Variants in CELF2 observed in about 807,000 individuals in gnomAD.
CELF2 encodes the protein CUGBP Elav-like family member 2.
In CELF2, 8 loss-of-function variants were observed where a neutral mutation model predicts 62.6. The observed-to-expected ratio is 0.13, with a 90% CI of 0.07 to 0.23. The LOEUF is 0.23. Among genes scored for constraint, CELF2 ranks in the 10% least tolerant of loss-of-function variants. The pLI is 1.00. For synonymous variants in CELF2, 258 were observed against 250.0 expected (o/e 1.03, Z -0.30); for missense variants, 333 against 671.0 (o/e 0.50, Z 5.56).
the CELF2 span, among the ~76,000 whole-genome samples, chr10:10,636,310 C>T: frequency 6.6e-6 from 1 of 152,290 alleles, no homozygotes; most frequent in South Asian, 2.1e-4. Context: ...TCTCTTCTGA[C>T]TGAGCCATAA....
intron 1 of CELF2, among the ~76,000 whole-genome samples, chr10:11,132,398 G>A (rs2059755447): frequency 6.6e-6 from 1 of 152,176 alleles, no homozygotes; most frequent in African/African-American, 2.4e-5. Flanking sequence ...AATATCAAGG[G>A]AAGGAAATAC....
At chr10:10,653,225 G>C in the CELF2 span, among the ~76,000 whole-genome samples, 1 of 152,080 alleles carries the variant, frequency 6.6e-6, no homozygotes, top group Non-Finnish European at 1.5e-5. Context: ...AGCAAGTCCT[G>C]AGTGACCTAC....
chr10:10,651,596 C>T, the CELF2 span, among the ~76,000 whole-genome samples: 1 of 143,264 alleles, frequency 7.0e-6, no homozygotes. Context: ...GGGAGGCACC[C>T]CCCAGCAGGG....
intron 2 of CELF2, among the ~76,000 whole-genome samples, chr10:11,212,743 T>G (rs1255991902): frequency 1.3e-5 from 2 of 149,162 alleles, no homozygotes; most frequent in Non-Finnish European, 3.0e-5. Context: ...TTGGGTTTTT[T>G]TTTTTTTTTT....
chr10:10,775,106 A>G, the CELF2 span, among the ~76,000 whole-genome samples: 1 of 152,034 alleles, frequency 6.6e-6, no homozygotes, highest in Non-Finnish European at 1.5e-5. Flanking sequence ...TGGCCTCCTG[A>G]TCTCAGGTGA....
chr10:10,826,723 T>G (rs985204153), intron 1 of CELF2, among the ~76,000 whole-genome samples: 1 of 152,200 alleles, frequency 6.6e-6, no homozygotes, highest in Non-Finnish European at 1.5e-5. Flanking sequence ...GAAATACCCA[T>G]GAGAGCACCT....
chr10:11,233,561 T>C (rs1260248747), intron 3 of CELF2, among the ~76,000 whole-genome samples: 2 of 152,212 alleles, frequency 1.3e-5, no homozygotes, highest in South Asian at 2.1e-4. Context: ...TCCATTCAAA[T>C]GGTCTACAGG....
chr10:11,119,458 A>T (rs1488716551), intron 1 of CELF2, among the ~76,000 whole-genome samples: 2 of 152,184 alleles, frequency 1.3e-5, no homozygotes, highest in Non-Finnish European at 2.9e-5. Flanking sequence ...CAGAAAAATA[A>T]TGTCTTATAG....
chr10:10,781,083 A>G, the CELF2 span, among the ~76,000 whole-genome samples: 1 of 152,234 alleles, frequency 6.6e-6, no homozygotes, highest in Non-Finnish European at 1.5e-5. Context: ...ACTTACCAAA[A>G]AAAAGGTAGT....
Position 11,324,513 on chromosome 10 carries a change from A to G in CELF2, c.1295-1323A>G, listed in dbSNP as rs1202650289. 6.6e-6 allele frequency among the ~76,000 whole-genome samples: 1 copy of G among 152,218 alleles called. No homozygotes were observed. The highest frequency in any genetic ancestry group is 1.5e-5 in the Non-Finnish European group (1 of 68,026). On this transcript the variant is annotated intron_variant, in intron 11 of 12. Coordinates refer to ENST00000633077, the MANE Select transcript of CELF2 (RefSeq NM_001326342.2). The surrounding 1 kb of genome is among the most constrained non-coding windows in gnomAD (Gnocchi z 4.7). ...TAGACTCCTTCCCATGCCCTAGAAT[A>G]CGGATATATCCCAGGAAATTGGCAG...
At chr10:10,540,981 G>C in the CELF2 span, among the ~76,000 whole-genome samples, 2 of 152,042 alleles carry the variant, frequency 1.3e-5, no homozygotes, top group Non-Finnish European at 2.9e-5. Context: ...TCAGGAGATC[G>C]CGCCACTGCA....
chr10:11,265,324 G>A (rs2081905218), intron 5 of CELF2, among the ~76,000 whole-genome samples: 1 of 152,222 alleles, frequency 6.6e-6, no homozygotes, highest in South Asian at 2.1e-4. Context: ...CAGCCTCTCA[G>A]TGTTTAGATC....
At chr10:10,749,773 C>T in the CELF2 span, among the ~76,000 whole-genome samples, 1 of 152,100 alleles carries the variant, frequency 6.6e-6, no homozygotes, top group Non-Finnish European at 1.5e-5. Context: ...TGATTGTTAT[C>T]AATAAATGAT....
At chr10:10,698,968 A>G in the CELF2 span, among the ~76,000 whole-genome samples, 1 of 152,084 alleles carries the variant, frequency 6.6e-6, no homozygotes, top group Admixed American at 6.5e-5. Context: ...TATCATACAT[A>G]ATTATATTAT....
the CELF2 span, among the ~76,000 whole-genome samples, chr10:10,723,154 C>T: frequency 6.6e-6 from 1 of 152,196 alleles, no homozygotes; most frequent in East Asian, 1.9e-4. Flanking sequence ...TGGACCATTC[C>T]CTAAATTCAT....
intron 2 of CELF2, among the ~76,000 whole-genome samples, chr10:11,183,508 T>C (rs1460242601): frequency 1.3e-5 from 2 of 152,242 alleles, no homozygotes; most frequent in Non-Finnish European, 2.9e-5. Flanking sequence ...ATCGAACTTC[T>C]TAAGAAACCG....
At chr10:11,111,574 T>G (rs1273673818) in intron 1 of CELF2, among the ~76,000 whole-genome samples, 4 of 152,174 alleles carry the variant, frequency 2.6e-5, no homozygotes, top group African/African-American at 9.7e-5. Context: ...AATGGGTAAC[T>G]GTTGTTGCTT....
the CELF2 span, among the ~76,000 whole-genome samples, chr10:10,463,689 G>C: frequency 6.6e-6 from 1 of 152,092 alleles, no homozygotes; most frequent in Non-Finnish European, 1.5e-5. Flanking sequence ...ACACGGAGAG[G>C]TTTAGGCTTG....
chr10:11,096,664 GTT>G (rs899651753), intron 1 of CELF2, among the ~76,000 whole-genome samples: 6 of 152,278 alleles, frequency 3.9e-5, no homozygotes, highest in Non-Finnish European at 7.4e-5. Context: ...TCTTCAAAGA[GTT>G]TGACCGAAAT....
Sources: gnomAD v4.1 joint callset for allele counts (sites outside exome capture counted in the v4.1 genomes callset) on GRCh38, gnomAD v4.1.1 for gene constraint, Gnocchi (gnomAD v3.1) non-coding constraint, MANE v1.5 for transcripts, NCBI Gene and HGNC (gene_info 2026-07-23, HGNC 2026-07-21) for gene names.